Variants in GPC5 observed in about 807,000 individuals in gnomAD.
The protein encoded by GPC5 is glypican 5, also known as glypican-5.
GPC5 carries 47 observed loss-of-function variants against 53.9 expected under a neutral mutation model. That is an observed-to-expected ratio of 0.87 (90% CI 0.69 to 1.11). The LOEUF is 1.11. Ranked by LOEUF, GPC5 falls within the 50% of genes most tolerant of loss-of-function variation. The pLI, the probability that GPC5 is intolerant of heterozygous loss-of-function variation, is 0.00. For missense variants in GPC5, 748 were observed against 713.1 expected (o/e 1.05, Z -0.56); for synonymous variants, 286 against 263.3 (o/e 1.09, Z -0.84).
chr13:91,721,939 T>C (rs1484024093), intron 3 of GPC5, among the ~76,000 whole-genome samples: 3 of 152,204 alleles, frequency 2.0e-5, no homozygotes, highest in Non-Finnish European at 4.4e-5. Flanking sequence ...CTATTTAATG[T>C]CATAATTTTA....
At chr13:91,476,160 A>T (rs1207583866) in intron 2 of GPC5, among the ~76,000 whole-genome samples, 1 of 152,212 alleles carries the variant, frequency 6.6e-6, no homozygotes, top group Non-Finnish European at 1.5e-5. Context: ...GCTTCGCAGC[A>T]TCTTGACATC....
chr13:92,694,178 A>G (rs1242815323), intron 7 of GPC5, among the ~76,000 whole-genome samples: 1 of 152,228 alleles, frequency 6.6e-6, no homozygotes, highest in African/African-American at 2.4e-5. Flanking sequence ...ATGTCCAGGC[A>G]GAAGTCTGCT....
chr13:91,911,997 G>C (rs1380887233), intron 6 of GPC5, among the ~76,000 whole-genome samples: 1 of 152,182 alleles, frequency 6.6e-6, no homozygotes, highest in East Asian at 1.9e-4. Flanking sequence ...CACACAACTG[G>C]AAGTGTATGT....
chr13:91,982,009 A>G (rs760450343), intron 6 of GPC5, among the ~76,000 whole-genome samples: 4 of 152,224 alleles, frequency 2.6e-5, no homozygotes, highest in South Asian at 2.1e-4. Flanking sequence ...GAGTCTGTTT[A>G]TGAAGGTTCC....
chr13:92,453,826 G>A (rs550410025), intron 7 of GPC5, among the ~76,000 whole-genome samples: 1 of 152,256 alleles, frequency 6.6e-6, no homozygotes, highest in East Asian at 1.9e-4. Context: ...TGGAAAATAT[G>A]AGGCTACATT....
chr13:92,768,242 CT>C (rs1331646748), intron 7 of GPC5, among the ~76,000 whole-genome samples: 1 of 152,076 alleles, frequency 6.6e-6, no homozygotes, highest in South Asian at 2.1e-4. Context: ...AAGTTTTGTA[CT>C]TTTTGGTGAT....
chr13:92,827,102 A>G (rs1440267980), intron 7 of GPC5, among the ~76,000 whole-genome samples: 1 of 152,140 alleles, frequency 6.6e-6, no homozygotes, highest in Non-Finnish European at 1.5e-5. Flanking sequence ...AAGTCTTTGT[A>G]GATTTAATAA....
chr13:92,120,823 T>C (rs887232075), intron 6 of GPC5, among the ~76,000 whole-genome samples: 1 of 152,240 alleles, frequency 6.6e-6, no homozygotes, highest in Non-Finnish European at 1.5e-5. Context: ...TCCAGCTCTA[T>C]GCAGCTCTGC....
Position 92,653,456 on chromosome 13 carries a change from A to G in GPC5, c.1562-212826A>G, listed in dbSNP as rs186153550. Among the ~76,000 whole-genome samples the G allele has an allele frequency of 1.1e-3, 163 of 152,338 alleles. 1 individual carries two copies. The highest frequency in any genetic ancestry group is 3.6e-3 in the African/African-American group (151 of 41,576). On this transcript the variant is annotated intron_variant, in intron 7 of 7. Transcript: ENST00000377067. ...GGATGGGCTGCAGACAGCATCTGCT[A>G]AAATGTCTTTTTTTCAAATATCTCA...
chr13:91,995,630 T>A (rs1379636534), intron 6 of GPC5: 2 of 152,202 alleles, frequency 1.3e-5, no homozygotes, highest in Non-Finnish European at 2.9e-5. Context: ...ATAGTAAACA[T>A]TCAAAACTAT....
At chr13:92,073,622 T>C (rs1227121473) in intron 6 of GPC5, among the ~76,000 whole-genome samples, 1 of 152,236 alleles carries the variant, frequency 6.6e-6, no homozygotes, top group African/African-American at 2.4e-5. Context: ...TCATTATTGA[T>C]GGTATACGAT....
intron 6 of GPC5, among the ~76,000 whole-genome samples, chr13:92,045,197 T>G (rs1296067630): frequency 6.6e-6 from 1 of 152,140 alleles, no homozygotes; most frequent in East Asian, 1.9e-4. Flanking sequence ...GCCCGTTCTG[T>G]TTGGTTTACG....
chr13:92,814,069 C>T (rs1329791019), intron 7 of GPC5, among the ~76,000 whole-genome samples: 1 of 151,894 alleles, frequency 6.6e-6, no homozygotes, highest in Non-Finnish European at 1.5e-5. Flanking sequence ...TGCACAGAAC[C>T]TGTATTTATA....
chr13:91,620,509 A>G (rs2033824276), intron 2 of GPC5, among the ~76,000 whole-genome samples: 1 of 152,134 alleles, frequency 6.6e-6, no homozygotes, highest in Non-Finnish European at 1.5e-5. Context: ...TCTAGTTATC[A>G]CCATCATATG....
intron 7 of GPC5, among the ~76,000 whole-genome samples, chr13:92,217,660 G>T (rs1049246905): frequency 6.6e-6 from 1 of 152,154 alleles, no homozygotes; most frequent in Non-Finnish European, 1.5e-5. Context: ...TACTGCAATG[G>T]TTCTGAACCA....
chr13:91,746,321 G>A (rs1429413873), intron 4 of GPC5, among the ~76,000 whole-genome samples: 1 of 152,094 alleles, frequency 6.6e-6, no homozygotes, highest in African/African-American at 2.4e-5. Flanking sequence ...TGTATTATGT[G>A]TGGACTGACT....
chr13:92,052,301 T>A (rs1316583471), intron 6 of GPC5, among the ~76,000 whole-genome samples: 1 of 152,182 alleles, frequency 6.6e-6, no homozygotes, highest in East Asian at 1.9e-4. Flanking sequence ...TCTCACCGAC[T>A]TCAAGAATGA....
intron 7 of GPC5, among the ~76,000 whole-genome samples, chr13:92,565,428 A>G (rs547965101): frequency 2.2e-4 from 34 of 152,102 alleles, no homozygotes; most frequent in Non-Finnish European, 3.7e-4. Flanking sequence ...TGCAAATAAA[A>G]ACCTGCCAAC....
chr13:92,723,170 T>A (rs1423869901), intron 7 of GPC5, among the ~76,000 whole-genome samples: 1 of 151,700 alleles, frequency 6.6e-6, no homozygotes, highest in Non-Finnish European at 1.5e-5. Context: ...TATAGCTATA[T>A]GAAACATCCA....
Sources: gnomAD v4.1 joint callset for allele counts (sites outside exome capture counted in the v4.1 genomes callset) on GRCh38, gnomAD v4.1.1 for gene constraint, MANE v1.5 for transcripts, NCBI Gene and HGNC (gene_info 2026-07-23, HGNC 2026-07-21) for gene names.